SLCO2A1: variants seen among roughly 807,000 people sequenced by gnomAD.
The protein encoded by SLCO2A1 is solute carrier organic anion transporter family member 2A1, also known as matrin F/G 1.
In SLCO2A1, 60 loss-of-function variants were observed where a neutral mutation model predicts 71.7. The observed-to-expected ratio is 0.84, with a 90% CI of 0.68 to 1.04. The LOEUF (loss-of-function observed/expected upper bound fraction) is 1.04. Ranked by LOEUF, SLCO2A1 falls within the 50% of genes least tolerant of loss-of-function variation. The pLI is 0.00. For synonymous variants in SLCO2A1, 308 were observed against 326.7 expected (o/e 0.94, Z 0.62); for missense variants, 745 against 813.4 (o/e 0.92, Z 1.02).
At chr3:133,984,392 A>T (rs1250214730) in intron 1 of SLCO2A1, among the ~76,000 whole-genome samples, 1 of 152,064 alleles carries the variant, frequency 6.6e-6, no homozygotes, top group Non-Finnish European at 1.5e-5. Context: ...GCCCTGGCAG[A>T]GGTGTTTGTA....
At chr3:133,950,543 A>T (rs1439657042) in intron 6 of SLCO2A1, among the ~76,000 whole-genome samples, 1 of 151,056 alleles carries the variant, frequency 6.6e-6, no homozygotes, top group African/African-American at 2.4e-5. Flanking sequence ...TTCCTTCCCT[A>T]CCCCCTAAAC....
intron 8 of SLCO2A1, 64 bp downstream of exon 8, chr3:133,948,472 G>T: frequency 6.5e-7 from 1 of 1,546,182 alleles, no homozygotes; most frequent in Non-Finnish European, 8.8e-7. Flanking sequence ...TGGATGGGTG[G>T]CTGGAGTGCC....
intron 1 of SLCO2A1, among the ~76,000 whole-genome samples, chr3:134,015,672 A>T (rs1935435679): frequency 1.3e-5 from 2 of 152,246 alleles, no homozygotes; most frequent in Non-Finnish European, 2.9e-5. Context: ...CACAGATTAA[A>T]ACGTCACATT....
chr3:133,990,026 T>C (rs1433295911), intron 1 of SLCO2A1, among the ~76,000 whole-genome samples: 2 of 152,248 alleles, frequency 1.3e-5, no homozygotes, highest in African/African-American at 2.4e-5. Flanking sequence ...TTCTTGTGTT[T>C]TCCGTGGGGT....
At chr3:133,982,556 C>G (rs777800776) in intron 1 of SLCO2A1, among the ~76,000 whole-genome samples, 3 of 152,196 alleles carry the variant, frequency 2.0e-5, no homozygotes, top group Non-Finnish European at 2.9e-5. Flanking sequence ...CCTTCATTCC[C>G]CATCACCTTC....
chr3:133,948,943 C>T lies in SLCO2A1; in HGVS notation c.890G>A (p.Arg297Lys). ...TCTTGACTTGGCCTCCTCCAACTTC[C>T]TTGCTTCATCTGCTGTGGCAGGAGC... ...KRAPATADEA[R>K]KLEEAKSRGS... The change falls in exon 7 of 14, where the codon AGG becomes AAG. Residue 297 changes from arginine to lysine, a missense_variant. By Grantham distance (26) the Arg-to-Lys change is conservative. Coordinates refer to ENST00000310926, the MANE Select transcript of SLCO2A1 (RefSeq NM_005630.3). 6.2e-7 allele frequency: 1 copy of T among 1,614,182 alleles called. No homozygotes were observed.
chr3:133,991,477 A>C (rs761354982), intron 1 of SLCO2A1, among the ~76,000 whole-genome samples: 4 of 152,220 alleles, frequency 2.6e-5, no homozygotes, highest in Non-Finnish European at 5.9e-5. Context: ...TAAAGTTCAG[A>C]GATTTAAAAT....
At chr3:134,003,088 T>A (rs1935135997) in intron 1 of SLCO2A1, among the ~76,000 whole-genome samples, 1 of 152,122 alleles carries the variant, frequency 6.6e-6, no homozygotes, top group Non-Finnish European at 1.5e-5. Context: ...TCACCTGGAG[T>A]TCTCAAAGGC....
intron 11 of SLCO2A1, 128 bp from the exon 12 acceptor site, chr3:133,938,621 C>T (rs940711327): frequency 4.0e-5 from 32 of 796,342 alleles, no homozygotes; most frequent in South Asian, 3.3e-4. Flanking sequence ...CTCTGGTGAC[C>T]GGGTTCACCT....
At chr3:133,995,688 TGCCA>T (rs1415043188) in intron 1 of SLCO2A1, among the ~76,000 whole-genome samples, 3 of 152,172 alleles carry the variant, frequency 2.0e-5, no homozygotes, top group Non-Finnish European at 4.4e-5. Flanking sequence ...ACACCTGTGG[TGCCA>T]GCAAGGCAGA....
At chr3:133,999,529 G>A (rs1211251424) in intron 1 of SLCO2A1, among the ~76,000 whole-genome samples, 2 of 152,234 alleles carry the variant, frequency 1.3e-5, no homozygotes, top group East Asian at 3.8e-4. Context: ...TTACTAAGAT[G>A]AGGCACATGC....
chr3:133,982,754 C>T (rs540622261), intron 1 of SLCO2A1, among the ~76,000 whole-genome samples: 15 of 152,102 alleles, frequency 9.9e-5, no homozygotes, highest in Admixed American at 2.0e-4. Context: ...CTGCAACAGC[C>T]TCTCACAGGT....
chr3:133,948,754 C>A, intron 7 of SLCO2A1, 54 bp from the exon 8 acceptor site: 1 of 1,601,802 alleles, frequency 6.2e-7, no homozygotes, highest in Non-Finnish European at 8.5e-7. Flanking sequence ...TGCAGGCACA[C>A]CTAGGGGATG....
At chr3:133,978,929 C>T (rs1469370617) in intron 2 of SLCO2A1, among the ~76,000 whole-genome samples, 1 of 152,178 alleles carries the variant, frequency 6.6e-6, no homozygotes, top group Non-Finnish European at 1.5e-5. Context: ...TGCTCGGAGG[C>T]CATAGAGCTC....
At chr3:133,987,380 T>C (rs1408195433) in intron 1 of SLCO2A1, among the ~76,000 whole-genome samples, 3 of 151,974 alleles carry the variant, frequency 2.0e-5, no homozygotes, top group African/African-American at 7.3e-5. Context: ...ATCTGTCTGA[T>C]AAAACCCTGG....
At chr3:133,966,296 T>G (rs1307674369) in intron 3 of SLCO2A1, among the ~76,000 whole-genome samples, 1 of 152,212 alleles carries the variant, frequency 6.6e-6, no homozygotes, top group African/African-American at 2.4e-5. Context: ...TACCTGGCCC[T>G]TTACAGAAAA....
chr3:133,997,190 C>T (rs1437541152), intron 1 of SLCO2A1, among the ~76,000 whole-genome samples: 1 of 152,196 alleles, frequency 6.6e-6, no homozygotes, highest in East Asian at 1.9e-4. Flanking sequence ...GCCCCAAAAG[C>T]AGCCCCCAGC....
At chr3:134,015,861 T>G (rs889250933) in intron 1 of SLCO2A1, among the ~76,000 whole-genome samples, 2 of 151,400 alleles carry the variant, frequency 1.3e-5, no homozygotes, top group Non-Finnish European at 2.9e-5. Context: ...AAACCCAGAA[T>G]AGATCCACAC....
chr3:133,940,170 G>A (rs1218647266), intron 11 of SLCO2A1, among the ~76,000 whole-genome samples: 2 of 152,128 alleles, frequency 1.3e-5, no homozygotes, highest in Admixed American at 6.5e-5. Flanking sequence ...GTTTCGCCAT[G>A]TTGGCCAGGC....
Sources: allele counts gnomAD v4.1 joint callset (sites outside exome capture counted in the v4.1 genomes callset), GRCh38; gene constraint gnomAD v4.1.1; transcripts MANE v1.5; gene names NCBI Gene and HGNC (gene_info 2026-07-23, HGNC 2026-07-21).